EBF2: variants seen among roughly 807,000 people sequenced by gnomAD.
The protein encoded by EBF2 is transcription factor COE2.
In EBF2, 21 loss-of-function variants were observed where a neutral mutation model predicts 72.8. That is an observed-to-expected ratio of 0.29 (90% CI 0.20 to 0.42). The LOEUF (loss-of-function observed/expected upper bound fraction) is 0.42, where lower values mean the gene tolerates loss of function less well. Ranked by LOEUF, EBF2 falls within the 10% of genes least tolerant of loss-of-function variation. EBF2 has a pLI of 1.00. For synonymous variants in EBF2, 299 were observed against 274.2 expected (o/e 1.09, Z -0.89); for missense variants, 637 against 731.2 (o/e 0.87, Z 1.49).
intron 8 of EBF2, 24 bp from the exon 9 acceptor site, chr8:25,887,996 T>G (rs1802719848): frequency 6.3e-7 from 1 of 1,588,288 alleles, no homozygotes; most frequent in African/African-American, 1.4e-5. Flanking sequence ...AAAGAAAAAG[T>G]CAGGTTTGTT....
chr8:25,846,506 G>T (rs1456070372), intron 15 of EBF2, among the ~76,000 whole-genome samples: 1 of 152,060 alleles, frequency 6.6e-6, no homozygotes, highest in East Asian at 1.9e-4. Flanking sequence ...TGAGCAACAT[G>T]ATGAAAACCC....
chr8:26,013,397 CT>C (rs1346032806), intron 6 of EBF2, among the ~76,000 whole-genome samples: 1 of 152,180 alleles, frequency 6.6e-6, no homozygotes, highest in African/African-American at 2.4e-5. Flanking sequence ...ATCCCTTTAA[CT>C]AATACTTGCT....
chr8:25,900,401 G>C (rs1001186846), intron 7 of EBF2, among the ~76,000 whole-genome samples: 1 of 152,144 alleles, frequency 6.6e-6, no homozygotes, highest in Non-Finnish European at 1.5e-5. Context: ...CAAGGCTGTA[G>C]TGAACCAATA....
intron 6 of EBF2, among the ~76,000 whole-genome samples, chr8:26,002,480 T>C (rs1340704333): frequency 6.6e-6 from 1 of 152,218 alleles, no homozygotes; most frequent in Non-Finnish European, 1.5e-5. Context: ...GTGTAAATTA[T>C]GACAGCGCCA....
At chr8:25,997,572 A>G (rs1422748695) in intron 6 of EBF2, among the ~76,000 whole-genome samples, 11 of 33,820 alleles carry the variant, frequency 3.3e-4, no homozygotes, top group Admixed American at 9.5e-4. Flanking sequence ...ATCCTATCTC[A>G]AAAAAAAAAA....
At chr8:25,900,146 T>C (rs1802927499) in intron 7 of EBF2, among the ~76,000 whole-genome samples, 1 of 152,122 alleles carries the variant, frequency 6.6e-6, no homozygotes. Flanking sequence ...CTGGAATGAT[T>C]TTTCTTTCAT....
At chr8:26,018,632 C>G (rs1316805257) in intron 6 of EBF2, among the ~76,000 whole-genome samples, 3 of 151,670 alleles carry the variant, frequency 2.0e-5, no homozygotes, top group African/African-American at 7.3e-5. Context: ...GATTGTGCCA[C>G]TGCACTCCAG....
At chr8:25,973,519 C>T (rs763209448) in intron 6 of EBF2, among the ~76,000 whole-genome samples, 1 of 152,094 alleles carries the variant, frequency 6.6e-6, no homozygotes, top group East Asian at 1.9e-4. Flanking sequence ...GCAAAACCAG[C>T]GATGAAGCAA....
chr8:26,043,520 T>A (rs2117269782), intron 1 of EBF2, among the ~76,000 whole-genome samples: 1 of 152,304 alleles, frequency 6.6e-6, no homozygotes, highest in African/African-American at 2.4e-5. Flanking sequence ...CCCGAAGCGC[T>A]GCGGAAAGCC....
intron 6 of EBF2, among the ~76,000 whole-genome samples, chr8:25,992,191 T>C (rs936285776): frequency 1.5e-4 from 22 of 151,648 alleles, no homozygotes; most frequent in African/African-American, 4.8e-4. Context: ...ATACAGAAAA[T>C]TAGCTGGGCA....
At chr8:25,901,025 A>G (rs1802942874) in intron 7 of EBF2, among the ~76,000 whole-genome samples, 1 of 152,174 alleles carries the variant, frequency 6.6e-6, no homozygotes, top group Non-Finnish European at 1.5e-5. Context: ...ATGGATGACT[A>G]TGGATACCCT....
chr8:25,908,580 C>A lies in EBF2; in HGVS notation c.552-25G>T, dbSNP rs890173902. On this transcript the variant is annotated intron_variant, in intron 6 of 15. Transcript: ENST00000520164. ...TCTGTGAAGAGAAAGCGATGTGTTA[C>A]ATTTTTCAGTAAACATTTTTAAAGG... 2.8e-6 allele frequency: 4 copies of A among 1,409,566 alleles called. No individual in the cohort carries two copies. In the Admixed American group the frequency reaches 8.0e-5, roughly 28 times the overall value. 87.3% of individuals were successfully genotyped at this position (1,409,566 alleles called of 1,614,324 possible). A position where few individuals can be genotyped will look rare whatever the true frequency, so the allele number is the denominator to read the frequency against.
At chr8:25,956,217 G>A (rs1255075956) in intron 6 of EBF2, among the ~76,000 whole-genome samples, 7 of 152,030 alleles carry the variant, frequency 4.6e-5, no homozygotes, top group African/African-American at 1.4e-4. Flanking sequence ...TCGGGAGTTC[G>A]AGACCAGCCT....
chr8:25,930,725 C>T (rs551853220), intron 6 of EBF2, among the ~76,000 whole-genome samples: 112 of 152,250 alleles, frequency 7.4e-4, no homozygotes, highest in African/African-American at 2.7e-3. Context: ...ATGATGAGAT[C>T]TGCCAGAAGT....
At chr8:25,862,929 A>G in intron 10 of EBF2, 132 bp from the exon 11 acceptor site, 1 of 423,756 alleles carries the variant, frequency 2.4e-6, no homozygotes, top group Non-Finnish European at 4.0e-6. Flanking sequence ...TTTGCTATCG[A>G]CATTGGTTAA....
chr8:25,992,010 A>G (rs1299758008), intron 6 of EBF2, among the ~76,000 whole-genome samples: 1 of 152,118 alleles, frequency 6.6e-6, no homozygotes, highest in African/African-American at 2.4e-5. Flanking sequence ...GGATACAGGT[A>G]TCAATATGAT....
intron 10 of EBF2, among the ~76,000 whole-genome samples, chr8:25,865,942 G>A (rs564389455): frequency 8.6e-5 from 13 of 151,736 alleles, no homozygotes; most frequent in South Asian, 2.1e-4. Context: ...GGAGAATGGC[G>A]TGAACCCAGG....
intron 6 of EBF2, among the ~76,000 whole-genome samples, chr8:26,013,702 A>AG (rs990944132): frequency 4.6e-5 from 7 of 152,290 alleles, no homozygotes; most frequent in Non-Finnish European, 1.0e-4. Flanking sequence ...ATTAAAAAAA[A>AG]AAAATCAAGG....
chr8:25,997,644 G>A (rs1220185814), intron 6 of EBF2, among the ~76,000 whole-genome samples: 1 of 151,126 alleles, frequency 6.6e-6, no homozygotes, highest in East Asian at 1.9e-4. Context: ...ATAACAGAAA[G>A]AACATTCAAA....
Sources: gnomAD v4.1 joint callset for allele counts (sites outside exome capture counted in the v4.1 genomes callset) on GRCh38, gnomAD v4.1.1 for gene constraint, MANE v1.5 for transcripts, NCBI Gene and HGNC (gene_info 2026-07-23, HGNC 2026-07-21) for gene names.